HERC2: variants seen among roughly 807,000 people sequenced by gnomAD.
HERC2 encodes E3 ubiquitin-protein ligase HERC2.
Under a neutral mutation model 537.7 loss-of-function variants are expected in HERC2, and 102 were observed. That is an observed-to-expected ratio of 0.19 (90% CI 0.16 to 0.22). The LOEUF (loss-of-function observed/expected upper bound fraction) is 0.22, where lower values mean the gene tolerates loss of function less well. HERC2 is among the 10% of genes least tolerant of loss of function. The pLI is 1.00. For synonymous variants in HERC2, 2,224 were observed against 2,466.2 expected, an observed-to-expected ratio of 0.90 and a Z score of 2.91; for missense variants, 4,236 against 6,198.2, an observed-to-expected ratio of 0.68 and a Z score of 10.63.
At chr15:28,189,354 T>C (rs561255532) in intron 55 of HERC2, among the ~76,000 whole-genome samples, 1 of 152,358 alleles carries the variant, frequency 6.6e-6, no homozygotes, top group Admixed American at 6.5e-5. Flanking sequence ...ATTGTTGATT[T>C]AATTACTTAG....
At position 28,233,352 on chromosome 15, in the gene HERC2, A is replaced by G; in HGVS notation, c.4480-11T>C. ...CTGTTCTTGATGAGTCTGCAAAGTT[A>G]ACCAGGAAAAGACAACTTTAACAAC... On this transcript the variant is annotated splice_polypyrimidine_tract_variant and intron_variant, in intron 29 of 92. Coordinates refer to ENST00000261609, the MANE Select transcript of HERC2 (RefSeq NM_004667.6). 7.3e-7 allele frequency: 1 copy of G among 1,367,026 alleles called. No individual in the cohort carries two copies. Among genetic ancestry groups the G allele is most frequent in the Non-Finnish European group, 1.0e-6 (1 of 965,284 alleles). The allele number at this position is 1,367,026 out of a possible 1,614,324, so 84.7% of individuals were successfully genotyped here. A position where few individuals can be genotyped will look rare whatever the true frequency, so the allele number is the denominator to read the frequency against.
Position 28,196,511 on chromosome 15 carries a change from A to T in HERC2, c.8070T>A (p.Thr2690=). The T allele has an allele frequency of 6.2e-7, 1 of 1,613,770 alleles. No individual in the cohort carries two copies. The part of the protein sequence containing the change: ...IVDFPQQSHW[T]GLLSEMELVP... ...CCAACTCCATTTCTGATAGCAACCC[A>T]GTCCAGTGAGACTGCTGGGGAAAGT... The change falls in exon 51 of 93, where the codon ACT becomes ACA. Residue 2690 remains threonine, a synonymous_variant. Coordinates refer to ENST00000261609, the MANE Select transcript of HERC2 (RefSeq NM_004667.6).
chr15:28,228,352 A>G lies in HERC2; in HGVS notation c.5330T>C (p.Leu1777Pro). Reference sequence around the variant, plus strand: ...GAAGCGGGCTTGCGGGATGGTCCCCAGGCTCGGTCCTGACGGGTTCTCATT... The same window carrying G: ...GAAGCGGGCTTGCGGGATGGTCCCCGGGCTCGGTCCTGACGGGTTCTCATT... ...ITNENPSGPSLGTIPQARFLL... is the reference protein window; with the variant it reads ...ITNENPSGPSPGTIPQARFLL... Residue 1777 changes from leucine to proline, a missense_variant, in exon 35 of 93, where the codon CTG becomes CCG. By Grantham distance (98) the Leu-to-Pro change is moderately conservative. Transcript: ENST00000261609. 1 of 1,612,144 alleles carries G rather than the reference A, an allele frequency of 6.2e-7. No homozygotes were observed.
intron 44 of HERC2, among the ~76,000 whole-genome samples, chr15:28,208,685 C>T (rs939383438): frequency 2.0e-5 from 3 of 152,156 alleles, no homozygotes; most frequent in South Asian, 4.1e-4. Context: ...CTGCTCAACA[C>T]GCTTCCAAAG....
In HERC2 at chr15:28,177,727, C is replaced by G. The variant is rs886653336; in HGVS notation, c.9164-218G>C. 3.7e-4 allele frequency among the ~76,000 whole-genome samples: 56 copies of G among 152,158 alleles called. No individual in the cohort carries two copies. Among genetic ancestry groups the G allele is most frequent in the African/African-American group, 1.3e-3 (55 of 41,496 alleles). ...TTTCACTAAACTACAAATTTTAACT[C>G]TAGAAAGAATTTGCAAAGAGGCAAA... On this transcript the variant is annotated intron_variant, in intron 59 of 92. Transcript: ENST00000261609. The surrounding 1 kb of genome is among the most constrained non-coding windows in gnomAD (Gnocchi z 5.0).
intron 1 of HERC2, 62 bp downstream of exon 1, chr15:28,322,013 C>T (rs1596482946): frequency 1.1e-5 from 1 of 90,540 alleles, no homozygotes; most frequent in African/African-American, 5.6e-5. Context: ...GGCTCGGCCG[C>T]CCGCCAGCCC....
intron 4 of HERC2, among the ~76,000 whole-genome samples, chr15:28,285,106 G>C (rs1397925859): frequency 6.6e-6 from 1 of 151,986 alleles, no homozygotes; most frequent in African/African-American, 2.4e-5. Context: ...TATAGTTGGA[G>C]ACCTCAAAGT....
At chr15:28,292,230 C>CAAAAAA (rs34513876) in intron 4 of HERC2, among the ~76,000 whole-genome samples, 3 of 67,484 alleles carry the variant, frequency 4.4e-5, no homozygotes, top group African/African-American at 5.7e-5. Flanking sequence ...ACTCCATCTC[C>CAAAAAA]AAAAAAAAAA....
intron 22 of HERC2, 66 bp downstream of exon 22, chr15:28,246,676 G>C: frequency 2.9e-6 from 4 of 1,359,566 alleles, no homozygotes; most frequent in Middle Eastern, 1.9e-4. Context: ...GATCAGCAAA[G>C]AAGACACTTT....
At chr15:28,136,549 A>G (rs999906969) in intron 78 of HERC2, among the ~76,000 whole-genome samples, 2 of 152,258 alleles carry the variant, frequency 1.3e-5, no homozygotes, top group Admixed American at 1.3e-4. Flanking sequence ...ACACCACAGA[A>G]AGCTGCCCTT....
rs113749651 is a variant in HERC2 at position 28,261,787 on chromosome 15, G to A, written c.2123-817C>T. The stretch of plus-strand genomic sequence containing the variant: ...AGAAAACAATAAACACCATATGGGC[G>A]CACAAAACTCTCAGTCATCAAAATA... On this transcript the variant is annotated intron_variant, in intron 15 of 92. Coordinates refer to ENST00000261609, the MANE Select transcript of HERC2 (RefSeq NM_004667.6). Among the ~76,000 whole-genome samples the A allele has an allele frequency of 7.8e-3, 1,185 of 152,158 alleles. 22 individuals are homozygous for A. Among genetic ancestry groups the A allele is most frequent in the African/African-American group, 0.027 (1,121 of 41,486 alleles).
chr15:28,154,188 A>G (rs1397256257), intron 69 of HERC2, among the ~76,000 whole-genome samples: 1 of 152,264 alleles, frequency 6.6e-6, no homozygotes, highest in Non-Finnish European at 1.5e-5. Context: ...CAGAAAAAAT[A>G]AAACTCTTCT....
Position 28,176,988 on chromosome 15 carries a change from C to T in HERC2, c.9394G>A (p.Gly3132Arg). The T allele has an allele frequency of 6.2e-7, 1 of 1,613,988 alleles. No individual in the cohort carries two copies. Among genetic ancestry groups the T allele is most frequent in the Non-Finnish European group, 8.5e-7 (1 of 1,179,938 alleles). ...AGCTGTGTCGTATTATCCCCATGTC[C>T]CAGCCGGCCGTACTCGCCGAGGCCC... Reference protein sequence around the residue: ...TWGLGEYGRLGHGDNTTQLKP... With the variant: ...TWGLGEYGRLRHGDNTTQLKP... Residue 3132 changes from glycine (G) to arginine (R), a missense_variant, in exon 61 of 93, where the codon GGA becomes AGA. Around this residue, in one of 27 missense-constraint regions of HERC2, gnomAD observed 606 missense variants for 884.5 expected, o/e 0.69. Coordinates refer to ENST00000261609, the MANE Select transcript of HERC2 (RefSeq NM_004667.6). This position sits in a 1 kb window ranked among gnomAD's most constrained non-coding sequence, Gnocchi z 5.0.
chr15:28,270,900 A>C (rs1175136350), intron 9 of HERC2, 32 bp from the exon 10 acceptor site: 3 of 1,593,382 alleles, frequency 1.9e-6, no homozygotes, highest in Admixed American at 1.7e-5. Context: ...AAATTCAGAA[A>C]TGGTGGGAAA....
chr15:28,130,425 C>A, intron 82 of HERC2, 78 bp downstream of exon 82: 1 of 1,582,052 alleles, frequency 6.3e-7, no homozygotes. Context: ...AGCTACATTC[C>A]CATCCATGAA....
intron 4 of HERC2, among the ~76,000 whole-genome samples, chr15:28,286,683 C>T (rs1279003632): frequency 6.6e-6 from 1 of 152,104 alleles, no homozygotes; most frequent in African/African-American, 2.4e-5. Flanking sequence ...AAGGGTCCTC[C>T]CAGACCTATT....
chr15:28,133,054 A>T (rs1179655023), intron 79 of HERC2, among the ~76,000 whole-genome samples: 1 of 152,000 alleles, frequency 6.6e-6, no homozygotes, highest in Non-Finnish European at 1.5e-5. Flanking sequence ...CTGGAAAGTG[A>T]CCACACATAC....
chr15:28,152,177 AC>A (rs1404241166), intron 70 of HERC2, among the ~76,000 whole-genome samples: 1 of 152,214 alleles, frequency 6.6e-6, no homozygotes, highest in Non-Finnish European at 1.5e-5. Context: ...AACACACTGA[AC>A]AGCAGCACAC....
At chr15:28,127,596 C>A (rs891321834) in intron 83 of HERC2, among the ~76,000 whole-genome samples, 5 of 152,190 alleles carry the variant, frequency 3.3e-5, no homozygotes, top group Non-Finnish European at 7.3e-5. Context: ...GCAATGAGCA[C>A]ACCCATCATC....
Sources: allele counts gnomAD v4.1 joint callset (sites outside exome capture counted in the v4.1 genomes callset), GRCh38; gene constraint gnomAD v4.1.1; regional missense constraint gnomAD v4.1.1; non-coding constraint Gnocchi (gnomAD v3.1); transcripts MANE v1.5; gene names NCBI Gene and HGNC (gene_info 2026-07-23, HGNC 2026-07-21).